EYA2: variants seen among roughly 807,000 people sequenced by gnomAD.
EYA2 encodes the protein protein phosphatase EYA2.
Under a neutral mutation model 69.2 loss-of-function variants are expected in EYA2, and 31 were observed. The observed-to-expected ratio is 0.45, with a 90% CI of 0.34 to 0.60. The LOEUF is 0.60. Among genes scored for constraint, EYA2 ranks in the 20% least tolerant of loss-of-function variants. EYA2 has a pLI of 0.02. For missense variants in EYA2, 622 were observed against 701.2 expected, an observed-to-expected ratio of 0.89 and a Z score of 1.28; for synonymous variants, 257 against 279.4, an observed-to-expected ratio of 0.92 and a Z score of 0.80.
chr20:47,104,281 T>A (rs999027633), intron 9 of EYA2, among the ~76,000 whole-genome samples: 3 of 152,240 alleles, frequency 2.0e-5, no homozygotes, highest in African/African-American at 7.2e-5. Context: ...TCATTTTTAA[T>A]TGGTTTGTCT....
At chr20:47,143,787 C>A (rs1347562342) in intron 10 of EYA2, among the ~76,000 whole-genome samples, 1 of 152,094 alleles carries the variant, frequency 6.6e-6, no homozygotes, top group Admixed American at 6.5e-5. Context: ...GAACTAGTAA[C>A]ACAAAGGCAA....
intron 1 of EYA2, among the ~76,000 whole-genome samples, chr20:46,922,646 G>A (rs558185618): frequency 7.9e-4 from 120 of 152,288 alleles, no homozygotes; most frequent in African/African-American, 2.8e-3. Flanking sequence ...CCGAGGACCA[G>A]CTAGAATTGT....
chr20:47,027,790 C>T (rs959667499), intron 5 of EYA2, among the ~76,000 whole-genome samples: 3 of 152,186 alleles, frequency 2.0e-5, no homozygotes, highest in Non-Finnish European at 4.4e-5. Context: ...CCACAGGTGG[C>T]TACTGAGCAC....
intron 1 of EYA2, among the ~76,000 whole-genome samples, chr20:46,948,356 C>G (rs149486372): frequency 6.6e-6 from 1 of 152,084 alleles, no homozygotes; most frequent in Non-Finnish European, 1.5e-5. Flanking sequence ...TAAAAGCAGG[C>G]GGTGGGCTGG....
chr20:47,040,482 A>C (rs2146414802), intron 5 of EYA2, among the ~76,000 whole-genome samples: 1 of 152,252 alleles, frequency 6.6e-6, no homozygotes, highest in South Asian at 2.1e-4. Flanking sequence ...GTAAAGCCAA[A>C]CTGAGGACTA....
At chr20:47,182,062 C>T (rs1226588920) in intron 14 of EYA2, among the ~76,000 whole-genome samples, 1 of 151,890 alleles carries the variant, frequency 6.6e-6, no homozygotes, top group African/African-American at 2.4e-5. Flanking sequence ...GTTGCCCAGG[C>T]TGGAGGGCAG....
intron 10 of EYA2, among the ~76,000 whole-genome samples, chr20:47,165,905 A>G (rs2034175980): frequency 6.6e-6 from 1 of 152,120 alleles, no homozygotes; most frequent in South Asian, 2.1e-4. Context: ...TACCTTACGT[A>G]TCTTTTAAAA....
intron 1 of EYA2, chr20:46,978,503 G>A: frequency 1.9e-6 from 1 of 518,378 alleles, no homozygotes; most frequent in South Asian, 1.5e-5. Flanking sequence ...AAGAGGGAGT[G>A]TGGAGCGAGA....
At chr20:46,981,454 A>G (rs1326043957) in intron 1 of EYA2, among the ~76,000 whole-genome samples, 1 of 152,188 alleles carries the variant, frequency 6.6e-6, no homozygotes, top group Non-Finnish European at 1.5e-5. Flanking sequence ...CTTTGTGAAG[A>G]TTAATATTTC....
At chr20:47,153,647 G>A (rs941283214) in intron 10 of EYA2, among the ~76,000 whole-genome samples, 4 of 151,428 alleles carry the variant, frequency 2.6e-5, no homozygotes, top group Non-Finnish European at 4.4e-5. Context: ...GACAGAGCAA[G>A]AATATCTCAG....
At chr20:47,014,911 G>A (rs375097370) in intron 4 of EYA2, among the ~76,000 whole-genome samples, 5 of 152,038 alleles carry the variant, frequency 3.3e-5, no homozygotes, top group East Asian at 1.9e-4. Flanking sequence ...ATGTCACACA[G>A]CCATCAATAC....
chr20:46,974,995 G>T (rs183798272), intron 1 of EYA2, among the ~76,000 whole-genome samples: 2 of 151,440 alleles, frequency 1.3e-5, no homozygotes, highest in Non-Finnish European at 2.9e-5. Context: ...ATCTCAAGAG[G>T]TTGCATACTG....
chr20:47,068,766 C>T (rs1171722537), intron 5 of EYA2, among the ~76,000 whole-genome samples: 2 of 152,070 alleles, frequency 1.3e-5, no homozygotes, highest in Non-Finnish European at 1.5e-5. Context: ...CTTCTCCTAC[C>T]TCACCCCAGG....
At chr20:46,993,940 CTT>C (rs935089062) in intron 2 of EYA2, among the ~76,000 whole-genome samples, 5 of 152,220 alleles carry the variant, frequency 3.3e-5, no homozygotes. Context: ...GCTCAAAAAA[CTT>C]TACATATATT....
rs1489045855 is a variant in EYA2 at position 46,941,035 on chromosome 20, AG to A, written c.-11+46050del. On this transcript the variant is annotated intron_variant, in intron 1 of 15. Transcript: ENST00000327619. ...AAATCAACAGTGGGAAAGGTGCAAG[AG>A]GCCCCATCTTCCCAGAGCCCGAGCC... Among the ~76,000 whole-genome samples, 3 of 152,344 alleles carry A rather than the reference AG, an allele frequency of 2.0e-5. No individual in the cohort carries two copies. The East Asian group carries it at 5.8e-4, about 29-fold the overall frequency.
intron 9 of EYA2, among the ~76,000 whole-genome samples, chr20:47,132,623 TG>T (rs1186769678): frequency 2.6e-5 from 4 of 152,212 alleles, no homozygotes; most frequent in Non-Finnish European, 5.9e-5. Flanking sequence ...GATTTGAACC[TG>T]GGTCCTGCCA....
chr20:47,046,553 G>A (rs1309482814), intron 5 of EYA2, among the ~76,000 whole-genome samples: 1 of 152,132 alleles, frequency 6.6e-6, no homozygotes, highest in South Asian at 2.1e-4. Flanking sequence ...GCCCTCCCTT[G>A]GTACAAACAT....
chr20:46,903,415 C>G (rs1467120118), intron 1 of EYA2, among the ~76,000 whole-genome samples: 1 of 152,198 alleles, frequency 6.6e-6, no homozygotes. Context: ...GCTTACTCGG[C>G]CGACAGCAAC....
intron 9 of EYA2, among the ~76,000 whole-genome samples, chr20:47,120,708 C>T (rs2033022558): frequency 6.6e-6 from 1 of 152,206 alleles, no homozygotes. Flanking sequence ...CAGTTCTTGC[C>T]CTACTGACCT....
Sources: gnomAD v4.1 joint callset for allele counts (sites outside exome capture counted in the v4.1 genomes callset) on GRCh38, gnomAD v4.1.1 for gene constraint, MANE v1.5 for transcripts, NCBI Gene and HGNC (gene_info 2026-07-23, HGNC 2026-07-21) for gene names.